The following ASB7 variants were observed in gnomAD, a reference collection of about 807,000 sequenced individuals.
ASB7 encodes the protein ankyrin repeat and SOCS box protein 7.
ASB7 carries 4 observed loss-of-function variants against 32.5 expected under a neutral mutation model. The ratio of observed to expected loss-of-function variants is 0.12; its 90% CI spans 0.06 to 0.28. The LOEUF is 0.28. ASB7 is among the 10% of genes least tolerant of loss of function. The probability of loss-of-function intolerance (pLI) is 1.00; values close to 1 mark genes in which losing one functional copy is unlikely to be tolerated. For synonymous variants in ASB7, 172 were observed against 155.6 expected (o/e 1.11, Z -0.78); for missense variants, 181 against 407.1 (o/e 0.44, Z 4.78).
chr15:100,620,861 G>A (rs2039785704), intron 4 of ASB7, among the ~76,000 whole-genome samples: 3 of 152,106 alleles, frequency 2.0e-5, no homozygotes, highest in Admixed American at 6.5e-5. Context: ...ATGCAAATTG[G>A]CCCACGGGCA....
intron 4 of ASB7, among the ~76,000 whole-genome samples, chr15:100,626,619 C>T (rs1479129234): frequency 6.6e-6 from 1 of 152,084 alleles, no homozygotes; most frequent in Non-Finnish European, 1.5e-5. Context: ...GTCCCCCTCT[C>T]CTTCTCTCTC....
intron 5 of ASB7, among the ~76,000 whole-genome samples, chr15:100,632,044 G>A (rs751814639): frequency 6.6e-6 from 1 of 152,222 alleles, no homozygotes; most frequent in African/African-American, 2.4e-5. Flanking sequence ...GCACGTGGGC[G>A]GCTGCCGTGT....
intron 5 of ASB7, among the ~76,000 whole-genome samples, chr15:100,639,431 C>G (rs1325904532): frequency 6.6e-6 from 1 of 152,022 alleles, no homozygotes; most frequent in Admixed American, 6.6e-5. Flanking sequence ...AGAAAGATCA[C>G]GACTCCTTTT....
rs1439056805 is a variant in ASB7 at position 100,648,494 on chromosome 15, C to G, written c.*32C>G. 6.4e-7 allele frequency: 1 copy of G among 1,558,356 alleles called. No homozygotes were observed. Among genetic ancestry groups the G allele is most frequent in the Non-Finnish European group, 8.8e-7 (1 of 1,140,810 alleles). On this transcript the variant is annotated 3_prime_UTR_variant, in exon 6 of 6. Coordinates refer to ENST00000332783, the MANE Select transcript of ASB7 (RefSeq NM_198243.3). Reference sequence around the variant, plus strand: ...AGAACTGTGAGCAAGATTAGGAGTTCTATTCTAGATACTTAAAAGGCTTTT... The same window carrying G: ...AGAACTGTGAGCAAGATTAGGAGTTGTATTCTAGATACTTAAAAGGCTTTT...
rs990373413 is a variant in ASB7, at chr15:100,633,209, CAAAA to C, written c.817+3180_817+3183del. Among the ~76,000 whole-genome samples, 140 of 91,010 alleles carry C rather than the reference CAAAA, an allele frequency of 1.5e-3. 1 individual carries two copies. The East Asian group carries it at 0.021, about 14-fold the overall frequency. The allele number at this position is 91,010 out of a possible 152,430, so 59.7% of individuals were successfully genotyped here. ...CAGTTTTTGGTTTTTTACTTGTAGC[CAAAA>C]AAAAAAAAAAAAGAATGGAATGAAT... On this transcript the variant is annotated intron_variant, in intron 5 of 5. Transcript: ENST00000332783.
intron 5 of ASB7, among the ~76,000 whole-genome samples, chr15:100,631,943 C>G (rs1327021984): frequency 1.3e-5 from 2 of 152,214 alleles, no homozygotes; most frequent in African/African-American, 4.8e-5. Flanking sequence ...TCAACTCAAG[C>G]CTCCCAGTTT....
intron 4 of ASB7, among the ~76,000 whole-genome samples, chr15:100,618,424 T>C (rs1249546784): frequency 6.6e-6 from 1 of 152,124 alleles, no homozygotes; most frequent in Non-Finnish European, 1.5e-5. Flanking sequence ...CTCGAAACAA[T>C]GTAATTTCTT....
chr15:100,623,076 C>T (rs1030222173), intron 4 of ASB7, among the ~76,000 whole-genome samples: 6 of 152,144 alleles, frequency 3.9e-5, no homozygotes, highest in African/African-American at 1.4e-4. Flanking sequence ...ACAAGGAACT[C>T]AACAGTAAAA....
At chr15:100,612,501 T>G (rs2039705943) in intron 4 of ASB7, 74 bp downstream of exon 4, 1 of 1,382,396 alleles carries the variant, frequency 7.2e-7, no homozygotes, top group African/African-American at 1.4e-5. Flanking sequence ...TGTGTCTATT[T>G]GTAATTTTTA....
At chr15:100,605,244 A>C (rs1047145169) in intron 2 of ASB7, among the ~76,000 whole-genome samples, 2 of 152,254 alleles carry the variant, frequency 1.3e-5, no homozygotes, top group South Asian at 2.1e-4. Context: ...CCAGGCATTT[A>C]GAATATTTAA....
intron 5 of ASB7, chr15:100,645,630 G>T: frequency 1.0e-6 from 1 of 970,872 alleles, no homozygotes; most frequent in Non-Finnish European, 1.7e-6. Context: ...GTAGGAGACC[G>T]TTTTACTGAT....
chr15:100,609,241 A>T (rs2039673407), intron 2 of ASB7, among the ~76,000 whole-genome samples: 2 of 152,228 alleles, frequency 1.3e-5, no homozygotes, highest in South Asian at 4.1e-4. Flanking sequence ...TTAAAGACAC[A>T]GTCTCCTTTT....
chr15:100,632,947 A>AT (rs2039894888), intron 5 of ASB7, among the ~76,000 whole-genome samples: 1 of 151,468 alleles, frequency 6.6e-6, no homozygotes, highest in African/African-American at 2.4e-5. Flanking sequence ...GGGAGAGGCC[A>AT]TGAAGAGCTG....
chr15:100,639,316 T>C (rs550307285), intron 5 of ASB7, among the ~76,000 whole-genome samples: 80 of 152,338 alleles, frequency 5.3e-4, no homozygotes, highest in Non-Finnish European at 9.1e-4. Context: ...TAACCCGAAA[T>C]ATTTTTGTTT....
At chr15:100,642,203 G>A (rs2039966257) in intron 5 of ASB7, among the ~76,000 whole-genome samples, 1 of 152,146 alleles carries the variant, frequency 6.6e-6, no homozygotes, top group Non-Finnish European at 1.5e-5. Flanking sequence ...CCTGGGAAGG[G>A]CTTATGCAGA....
In ASB7 at chr15:100,629,797, G is replaced by A. The variant is rs1488963992; in HGVS notation, c.572G>A (p.Ser191Asn). ...CTGTTGCGATACGCCGTGATCAAAA[G>A]CAATCACTCTTATTGCCGAATGTTC... The part of the protein sequence containing the change: ...GFLLRYAVIK[S>N]NHSYCRMFLQ... Residue 191 changes from serine to asparagine, a missense_variant, in exon 5 of 6, where the codon AGC becomes AAC. Physicochemically the swap from Ser to Asn is conservative, Grantham distance 46. Coordinates refer to ENST00000332783, the MANE Select transcript of ASB7 (RefSeq NM_198243.3). The surrounding 1 kb of genome is among the most constrained non-coding windows in gnomAD (Gnocchi z 6.8). 2.5e-6 allele frequency: 4 copies of A among 1,614,126 alleles called. No individual in the cohort carries two copies. Among genetic ancestry groups the A allele is most frequent in the Non-Finnish European group, 3.4e-6 (4 of 1,180,056 alleles).
At chr15:100,612,571 T>A in intron 4 of ASB7, 144 bp downstream of exon 4, 1 of 786,894 alleles carries the variant, frequency 1.3e-6, no homozygotes, top group Non-Finnish European at 2.0e-6. Context: ...AGATTTGCTA[T>A]AAGTGTGCCT....
chr15:100,624,377 C>T (rs779879388), intron 4 of ASB7, among the ~76,000 whole-genome samples: 4 of 152,164 alleles, frequency 2.6e-5, no homozygotes, highest in Non-Finnish European at 2.9e-5. Flanking sequence ...CTGACTTGAT[C>T]GTTACACATT....
At chr15:100,631,800 A>G (rs925245805) in intron 5 of ASB7, among the ~76,000 whole-genome samples, 3 of 152,220 alleles carry the variant, frequency 2.0e-5, no homozygotes, top group Admixed American at 6.5e-5. Context: ...AATATTTATA[A>G]TGCACTTAAC....
Sources: gnomAD v4.1 joint callset for allele counts (sites outside exome capture counted in the v4.1 genomes callset) on GRCh38, gnomAD v4.1.1 for gene constraint, Gnocchi (gnomAD v3.1) non-coding constraint, MANE v1.5 for transcripts, NCBI Gene and HGNC (gene_info 2026-07-23, HGNC 2026-07-21) for gene names.